MPI: variants seen among roughly 807,000 people sequenced by gnomAD.
MPI encodes mannose phosphate isomerase.
A neutral mutation model predicts 40.1 loss-of-function variants in MPI; 33 were observed. That is an observed-to-expected ratio of 0.82 (90% CI 0.62 to 1.10). The LOEUF is 1.10. MPI is among the 50% of genes least tolerant of loss of function. MPI has a pLI of 0.00. For synonymous variants in MPI, 187 were observed against 207.4 expected (o/e 0.90, Z 0.85); for missense variants, 514 against 524.1 (o/e 0.98, Z 0.19).
intron 2 of MPI, chr15:74,891,118 A>G: frequency 3.3e-6 from 2 of 599,940 alleles, no homozygotes; most frequent in East Asian, 6.6e-5. Flanking sequence ...TCCTCTTTGG[A>G]CAGACAAAGA....
rs773224763 is a variant in MPI at position 74,898,113 on chromosome 15, C to T, written c.*383C>T. 4 of 361,906 alleles carry T rather than the reference C, an allele frequency of 1.1e-5. No homozygotes were observed. The highest frequency in any genetic ancestry group is 4.4e-5 in the South Asian group (2 of 45,512). 22.4% of individuals were successfully genotyped at this position (361,906 alleles called of 1,614,324 possible). Reference sequence around the variant, plus strand: ...GTAATTTCTAAGAACAGGGTTCTAGCGATGGGACTGCCCATTTCCTCAGCT... The same window carrying T: ...GTAATTTCTAAGAACAGGGTTCTAGTGATGGGACTGCCCATTTCCTCAGCT... On this transcript the variant is annotated 3_prime_UTR_variant, in exon 8 of 8. Coordinates refer to ENST00000352410, the MANE Select transcript of MPI (RefSeq NM_002435.3).
In MPI at chr15:74,890,864, A is replaced by G. The variant is rs116585247; in HGVS notation, c.144+210A>G. ...GATTTCCAGCACTCTCCTTCCCCCA[A>G]CCACTCTTAGCACTTAGTGAATTTT... On this transcript the variant is annotated intron_variant, in intron 2 of 7. Coordinates refer to ENST00000352410, the MANE Select transcript of MPI (RefSeq NM_002435.3). 138 of 684,550 alleles carry G rather than the reference A, an allele frequency of 2.0e-4. 1 individual carries two copies. The highest frequency in any genetic ancestry group is 1.7e-3 in the African/African-American group (98 of 56,408). 42.4% of individuals were successfully genotyped at this position (684,550 alleles called of 1,614,324 possible).
chr15:74,896,005 C>A lies in MPI; in HGVS notation c.671-147C>A, dbSNP rs888674591. The A allele has an allele frequency of 6.1e-6, 5 of 815,016 alleles. No individual in the cohort carries two copies. The African/African-American group carries it at 8.4e-5, about 14-fold the overall frequency. 50.5% of individuals were successfully genotyped at this position (815,016 alleles called of 1,614,324 possible). On this transcript the variant is annotated intron_variant, in intron 5 of 7. Transcript: ENST00000352410. Reference sequence around the variant, plus strand: ...CAAGCAAGGCTCGACCCCCAAAGGGCTGGAGGCGTGGCCAGAAGGACAGGG... The same window carrying A: ...CAAGCAAGGCTCGACCCCCAAAGGGATGGAGGCGTGGCCAGAAGGACAGGG...
intron 6 of MPI, 43 bp downstream of exon 6, chr15:74,896,368 G>C: frequency 6.2e-7 from 1 of 1,610,372 alleles, no homozygotes. Context: ...CATCCCTGCT[G>C]GGCCCTGTTT....
intron 4 of MPI, 30 bp downstream of exon 4, chr15:74,892,832 G>C (rs749436524): frequency 3.1e-6 from 5 of 1,614,056 alleles, no homozygotes; most frequent in Non-Finnish European, 4.2e-6. Context: ...GAAGGCATGC[G>C]TACTGGGCCA....
In MPI at chr15:74,897,809, C is replaced by A; in HGVS notation, c.*79C>A. 2 of 1,391,334 alleles carry A rather than the reference C, an allele frequency of 1.4e-6. No individual in the cohort carries two copies. The highest frequency in any genetic ancestry group is 2.0e-6 in the Non-Finnish European group (2 of 986,116). The allele number at this position is 1,391,334 out of a possible 1,614,324, so 86.2% of individuals were successfully genotyped here. On this transcript the variant is annotated 3_prime_UTR_variant, in exon 8 of 8. Transcript: ENST00000352410. ...CTCACCTCCTCGGGCCCAGCTCAAGCCCCCTTCCTTGCTCTGGACCCCTTA... is the reference window on the plus strand; with the variant it reads ...CTCACCTCCTCGGGCCCAGCTCAAGACCCCTTCCTTGCTCTGGACCCCTTA...
At position 74,898,893 on chromosome 15, in the gene MPI, G is replaced by A. The variant is rs1379728148; in HGVS notation, c.*1163G>A. On this transcript the variant is annotated 3_prime_UTR_variant, in exon 8 of 8. Coordinates refer to ENST00000352410, the MANE Select transcript of MPI (RefSeq NM_002435.3). ...GAGGGGTCCGCAAACCAGGCTGGCA[G>A]GCCAGTTCTGGCCATACCTGTTCAT... The A allele has an allele frequency of 6.6e-6, 1 of 152,348 alleles. No individual in the cohort carries two copies. The highest frequency in any genetic ancestry group is 2.4e-5 in the African/African-American group (1 of 41,470). The allele number at this position is 152,348 out of a possible 1,614,324, so 9.4% of individuals were successfully genotyped here. A position where few individuals can be genotyped will look rare whatever the true frequency, so the allele number is the denominator to read the frequency against.
In MPI at chr15:74,897,815, T is replaced by G. The variant is rs2064845291; in HGVS notation, c.*85T>G. 7.5e-7 allele frequency: 1 copy of G among 1,336,562 alleles called. No homozygotes were observed. The allele number at this position is 1,336,562 out of a possible 1,614,324, so 82.8% of individuals were successfully genotyped here. On this transcript the variant is annotated 3_prime_UTR_variant, in exon 8 of 8. Coordinates refer to ENST00000352410, the MANE Select transcript of MPI (RefSeq NM_002435.3). ...TCCTCGGGCCCAGCTCAAGCCCCCT[T>G]CCTTGCTCTGGACCCCTTAGGTATA... is the stretch of plus-strand genomic sequence containing the variant.
chr15:74,897,641 G>A lies in MPI; in HGVS notation c.1183G>A (p.Val395Met), dbSNP rs968235395. 7.4e-6 allele frequency: 12 copies of A among 1,614,124 alleles called. No individual in the cohort carries two copies. Among genetic ancestry groups the A allele is most frequent in the South Asian group, 2.2e-5 (2 of 91,084 alleles). The change falls in exon 8 of 8, where the codon GTG (valine) becomes ATG (methionine). Residue 395 changes from valine to methionine, a missense_variant. Val to Met is a conservative substitution (Grantham distance 21). Coordinates refer to ENST00000352410, the MANE Select transcript of MPI (RefSeq NM_002435.3). ...QTPIPLQRGGVLFIGANESVS... is the reference protein window; with the variant it reads ...QTPIPLQRGGMLFIGANESVS... ...ACCAATCCCTCTGCAACGTGGTGGC[G>A]TGCTCTTCATTGGGGCCAATGAGAG... is the stretch of plus-strand genomic sequence containing the variant.
At chr15:74,896,948 G>A (rs951503216) in intron 6 of MPI, 63 bp from the exon 7 acceptor site, 1 of 1,513,226 alleles carries the variant, frequency 6.6e-7, no homozygotes, top group Non-Finnish European at 9.2e-7. Context: ...CAGGTTAGGA[G>A]GCCCAGAACT....
intron 1 of MPI, 26 bp downstream of exon 1, chr15:74,890,115 G>A (rs756437892): frequency 9.3e-6 from 15 of 1,607,464 alleles, no homozygotes; most frequent in South Asian, 3.3e-5. Context: ...GGGTGTCGGC[G>A]AGTGTGTTCG....
At chr15:74,891,924 C>G (rs1362407432) in intron 3 of MPI, among the ~76,000 whole-genome samples, 2 of 152,148 alleles carry the variant, frequency 1.3e-5, no homozygotes, top group Non-Finnish European at 2.9e-5. Flanking sequence ...GGCAGGTACC[C>G]TCAGCCCCAC....
intron 5 of MPI, among the ~76,000 whole-genome samples, chr15:74,895,255 G>A (rs2064801193): frequency 6.6e-6 from 1 of 150,412 alleles, no homozygotes; most frequent in Non-Finnish European, 1.5e-5. Flanking sequence ...GATGACAGGT[G>A]TGAGCCACCG....
In MPI at chr15:74,897,879, G is replaced by A. The variant is rs768295475; in HGVS notation, c.*149G>A. The A allele has an allele frequency of 3.7e-5, 29 of 784,900 alleles. No homozygotes were observed. Among genetic ancestry groups the A allele is most frequent in the Non-Finnish European group, 5.9e-5 (27 of 461,060 alleles). The allele number at this position is 784,900 out of a possible 1,614,324, so 48.6% of individuals were successfully genotyped here. ...GGGGTGGGGGAGGAGGGAGCGTGAAGGTAGTGACTCCTGAACACACCCAGG... is the reference window on the plus strand; with the variant it reads ...GGGGTGGGGGAGGAGGGAGCGTGAAAGTAGTGACTCCTGAACACACCCAGG... On this transcript the variant is annotated 3_prime_UTR_variant, in exon 8 of 8. Coordinates refer to ENST00000352410, the MANE Select transcript of MPI (RefSeq NM_002435.3).
intron 3 of MPI, among the ~76,000 whole-genome samples, chr15:74,892,057 C>T (rs921934339): frequency 7.2e-5 from 11 of 151,794 alleles, no homozygotes; most frequent in African/African-American, 2.4e-4. Context: ...TGCAGTGGCG[C>T]GATCTCGGCT....
Position 74,897,190 on chromosome 15 carries a change from G to A in MPI, c.1024G>A (p.Val342Ile), listed in dbSNP as rs766568229. ...CTACCTCTCAATCTATGACCCCCCT[G>A]TACCAGACTTCACCATTATGAAGAC... is the stretch of plus-strand genomic sequence containing the variant. Reference protein sequence around the residue: ...DPYLSIYDPPVPDFTIMKTEV... With the variant: ...DPYLSIYDPPIPDFTIMKTEV... The change falls in exon 7 of 8, where the codon GTA becomes ATA. Residue 342 changes from valine to isoleucine, a missense_variant. Physicochemically the swap from Val to Ile is conservative, Grantham distance 29. Coordinates refer to ENST00000352410, the MANE Select transcript of MPI (RefSeq NM_002435.3). 1.1e-5 allele frequency: 17 copies of A among 1,614,174 alleles called. No individual in the cohort carries two copies. The highest frequency in any genetic ancestry group is 1.4e-5 in the Non-Finnish European group (16 of 1,180,016).
intron 7 of MPI, 38 bp from the exon 8 acceptor site, chr15:74,897,474 G>A: frequency 6.3e-7 from 1 of 1,599,654 alleles, no homozygotes; most frequent in Non-Finnish European, 8.6e-7. Context: ...TGAGAGCAGA[G>A]TCTGAGCTGC....
intron 4 of MPI, 92 bp downstream of exon 4, chr15:74,892,894 A>C: frequency 6.3e-7 from 1 of 1,594,738 alleles, no homozygotes; most frequent in Non-Finnish European, 8.6e-7. Flanking sequence ...AACGGGTCAC[A>C]TGTCACAGGA....
rs533833424 is a variant in MPI, at chr15:74,899,439, A to G, written c.*1709A>G. 6.6e-6 allele frequency: 1 copy of G among 152,324 alleles called. No individual in the cohort carries two copies. The highest frequency in any genetic ancestry group is 1.9e-4 in the East Asian group (1 of 5,184). 9.4% of individuals were successfully genotyped at this position (152,324 alleles called of 1,614,324 possible). ...AAACAATAAAGATGAGCTGGAAAGA[A>G]AAGGTCTGCTAAAGGGAACCCATTC... On this transcript the variant is annotated 3_prime_UTR_variant, in exon 8 of 8. Coordinates refer to ENST00000352410, the MANE Select transcript of MPI (RefSeq NM_002435.3).
Sources: allele counts gnomAD v4.1 joint callset (sites outside exome capture counted in the v4.1 genomes callset), GRCh38; gene constraint gnomAD v4.1.1; transcripts MANE v1.5; gene names NCBI Gene and HGNC (gene_info 2026-07-23, HGNC 2026-07-21).